The following RARB variants were observed in gnomAD, a reference collection of about 807,000 sequenced individuals.
RARB encodes retinoic acid receptor beta, also known as HBV-activated protein.
Under a neutral mutation model 51.9 loss-of-function variants are expected in RARB, and 17 were observed. The ratio of observed to expected loss-of-function variants is 0.33; its 90% CI spans 0.22 to 0.49. The LOEUF is 0.49. RARB is among the 20% of genes least tolerant of loss of function. The pLI, the probability that RARB is intolerant of heterozygous loss-of-function variation, is 0.99. For synonymous variants in RARB, 215 were observed against 195.4 expected (o/e 1.10, Z -0.84); for missense variants, 369 against 550.8 (o/e 0.67, Z 3.30).
chr3:24,929,806 C>T (rs967011649), intron 2 of RARB, among the ~76,000 whole-genome samples: 1 of 152,102 alleles, frequency 6.6e-6, no homozygotes, highest in South Asian at 2.1e-4. Context: ...AATGCTGCTA[C>T]ATAGGCTGCT....
chr3:25,498,263 C>T (rs780497706), intron 2 of RARB, among the ~76,000 whole-genome samples: 8 of 151,982 alleles, frequency 5.3e-5, no homozygotes, highest in African/African-American at 1.2e-4. Context: ...ATAACTGCCC[C>T]CACCCCCTAC....
chr3:25,368,296 A>T (rs992997728), intron 5 of RARB, among the ~76,000 whole-genome samples: 3 of 152,148 alleles, frequency 2.0e-5, no homozygotes, highest in African/African-American at 7.2e-5. Flanking sequence ...GGCAATTGAT[A>T]TTTTTTCTCT....
chr3:25,596,851 G>C lies in RARB; in HGVS notation c.*235G>C. Reference sequence around the variant, plus strand: ...AGCCATTTCATGCAACCAGAAACTAGTTAAAAGCTTCTATTTTCCTCTTTG... The same window carrying C: ...AGCCATTTCATGCAACCAGAAACTACTTAAAAGCTTCTATTTTCCTCTTTG... On this transcript the variant is annotated 3_prime_UTR_variant, in exon 8 of 8. Coordinates refer to ENST00000330688, the MANE Select transcript of RARB (RefSeq NM_000965.5). 2.7e-6 allele frequency: 1 copy of C among 376,034 alleles called. No homozygotes were observed. Among genetic ancestry groups the C allele is most frequent in the Non-Finnish European group, 4.8e-6 (1 of 209,658 alleles). The allele number at this position is 376,034 out of a possible 1,614,324, so 23.3% of individuals were successfully genotyped here.
chr3:25,271,166 A>G (rs73154926), intron 5 of RARB, among the ~76,000 whole-genome samples: 2,145 of 152,338 alleles, frequency 0.014, 45 homozygotes, highest in African/African-American at 0.049. Flanking sequence ...ACGATGGAAT[A>G]TGGCTTTAAT....
At chr3:25,392,124 T>C (rs1018275864) in intron 5 of RARB, among the ~76,000 whole-genome samples, 1 of 152,130 alleles carries the variant, frequency 6.6e-6, no homozygotes, top group Non-Finnish European at 1.5e-5. Flanking sequence ...GCCAATTTTC[T>C]TAGCACCATT....
chr3:25,285,225 A>G (rs1202164981), intron 5 of RARB, among the ~76,000 whole-genome samples: 1 of 152,250 alleles, frequency 6.6e-6, no homozygotes, highest in African/African-American at 2.4e-5. Context: ...ATACTGAGGT[A>G]GAGTTAGACA....
Position 25,342,333 on chromosome 3 carries a change from C to T in RARB, c.179-118860C>T, listed in dbSNP as rs191003442. Among the ~76,000 whole-genome samples, 8 of 152,292 alleles carry T rather than the reference C, an allele frequency of 5.3e-5. No homozygotes were observed. In the East Asian group the frequency reaches 1.2e-3, roughly 22 times the overall value. ...ATTTCAGCATTTTAGTTCTTTATCA[C>T]TAAAGGAACTTGGATGCCAACCCTT... On this transcript the variant is annotated intron_variant, in intron 5 of 11. Coordinates refer to the RARB transcript ENST00000383772.
intron 2 of RARB, among the ~76,000 whole-genome samples, chr3:24,860,523 T>G (rs1702730931): frequency 6.6e-6 from 1 of 152,138 alleles, no homozygotes; most frequent in African/African-American, 2.4e-5. Context: ...TATTCCTCAG[T>G]GTAGGCAAAC....
chr3:25,235,060 T>A (rs1702271866), intron 5 of RARB, among the ~76,000 whole-genome samples: 1 of 152,160 alleles, frequency 6.6e-6, no homozygotes, highest in Non-Finnish European at 1.5e-5. Flanking sequence ...AATAGGAGTT[T>A]CTATCAGAGT....
intron 4 of RARB, among the ~76,000 whole-genome samples, chr3:25,138,405 A>C (rs1372054008): frequency 6.6e-6 from 1 of 151,326 alleles, no homozygotes; most frequent in Non-Finnish European, 1.5e-5. Flanking sequence ...TTTAAAAAGG[A>C]CCATTGATTC....
intron 5 of RARB, among the ~76,000 whole-genome samples, chr3:25,234,123 A>T (rs1025850013): frequency 1.3e-5 from 2 of 152,168 alleles, no homozygotes; most frequent in African/African-American, 2.4e-5. Flanking sequence ...GAATGAGATT[A>T]TGTGGAATTG....
chr3:25,084,600 G>T (rs1699071599), intron 3 of RARB, among the ~76,000 whole-genome samples: 1 of 151,944 alleles, frequency 6.6e-6, no homozygotes, highest in South Asian at 2.1e-4. Context: ...TTGGCATTTG[G>T]AAGGGGGTTC....
At chr3:25,402,376 C>G (rs762650260) in intron 5 of RARB, among the ~76,000 whole-genome samples, 11 of 152,136 alleles carry the variant, frequency 7.2e-5, no homozygotes, top group Non-Finnish European at 1.5e-4. Context: ...AGTGCAACTA[C>G]TAGGGAGAAC....
intron 5 of RARB, among the ~76,000 whole-genome samples, chr3:25,242,204 A>G (rs2125396664): frequency 6.6e-6 from 1 of 152,206 alleles, no homozygotes; most frequent in African/African-American, 2.4e-5. Context: ...TCTGGATATT[A>G]GCCCTTTGTC....
intron 5 of RARB, among the ~76,000 whole-genome samples, chr3:25,378,094 C>T (rs969845086): frequency 2.6e-5 from 4 of 152,266 alleles, no homozygotes; most frequent in Middle Eastern, 3.4e-3. Context: ...AGGAGAGAGA[C>T]AGCTGCAAAG....
intron 5 of RARB, among the ~76,000 whole-genome samples, chr3:25,374,172 G>C (rs1706387703): frequency 6.6e-6 from 1 of 152,120 alleles, no homozygotes; most frequent in Non-Finnish European, 1.5e-5. Context: ...AGGGACTGGG[G>C]TCAGTCAGCA....
chr3:25,371,329 G>A (rs1279390605), intron 5 of RARB, among the ~76,000 whole-genome samples: 1 of 152,182 alleles, frequency 6.6e-6, no homozygotes, highest in Non-Finnish European at 1.5e-5. Context: ...AAGGCTTGGG[G>A]GAGGGTAGCA....
At chr3:25,468,954 G>A (rs192004917) in intron 2 of RARB, among the ~76,000 whole-genome samples, 1 of 152,242 alleles carries the variant, frequency 6.6e-6, no homozygotes, top group Non-Finnish European at 1.5e-5. Flanking sequence ...TGGCACAGCC[G>A]TGATGGCGTG....
intron 2 of RARB, among the ~76,000 whole-genome samples, chr3:24,984,356 T>C (rs1696741645): frequency 6.6e-6 from 1 of 152,214 alleles, no homozygotes; most frequent in Non-Finnish European, 1.5e-5. Context: ...ATTTATTTAG[T>C]ACATACCAGT....
Sources: gnomAD v4.1 joint callset for allele counts (sites outside exome capture counted in the v4.1 genomes callset) on GRCh38, gnomAD v4.1.1 for gene constraint, MANE v1.5 for transcripts, NCBI Gene and HGNC (gene_info 2026-07-23, HGNC 2026-07-21) for gene names.